The following XRCC3 variants were observed in gnomAD, a reference collection of about 807,000 sequenced individuals.
XRCC3 encodes the protein DNA repair protein XRCC3.
A neutral mutation model predicts 29.2 loss-of-function variants in XRCC3; 34 were observed. The observed-to-expected ratio is 1.16, with a 90% CI of 0.88 to 1.55. The LOEUF is 1.55. Among genes scored for constraint, XRCC3 ranks in the 40% most tolerant of loss-of-function variants. The pLI is 0.00. For synonymous variants in XRCC3, 223 were observed against 211.3 expected (o/e 1.06, Z -0.48); for missense variants, 463 against 467.6 (o/e 0.99, Z 0.09).
rs765078097 is a variant in XRCC3, at chr14:103,698,846, C to T, written c.993G>A (p.Thr331=). The T allele has an allele frequency of 6.2e-6, 10 of 1,607,316 alleles. No homozygotes were observed. The Middle Eastern group carries it at 8.3e-4, about 134-fold the overall frequency. ...TCCCTCGCACCCCTTCGGCACTGAT[C>T]GTGTAGGAACAGGAGGAGGGGGGCA... ...PHLPPSSCSY[T]ISAEGVRGTP... is the part of the protein sequence containing the mutation. The change falls in exon 10 of 10, where the codon ACG becomes ACA. Residue 331 remains threonine (T), a synonymous_variant. Coordinates refer to ENST00000555055, the MANE Select transcript of XRCC3 (RefSeq NM_005432.4).
chr14:103,698,590 C>G lies in XRCC3; in HGVS notation c.*208G>C. 1 of 610,176 alleles carries G rather than the reference C, an allele frequency of 1.6e-6. No individual in the cohort carries two copies. Among genetic ancestry groups the G allele is most frequent in the Non-Finnish European group, 2.9e-6 (1 of 342,874 alleles). The allele number at this position is 610,176 out of a possible 1,614,324, so 37.8% of individuals were successfully genotyped here. A position where few individuals can be genotyped will look rare whatever the true frequency, so the allele number is the denominator to read the frequency against. On this transcript the variant is annotated 3_prime_UTR_variant, in exon 10 of 10. Coordinates refer to ENST00000555055, the MANE Select transcript of XRCC3 (RefSeq NM_005432.4). ...CCAGCAAGCGGGCCTGTCCCCAGAC[C>G]CAGGGAGAGGCAGAACATCCCCCCA... is the stretch of plus-strand genomic sequence containing the variant.
At chr14:103,702,463 G>A (rs2083259296) in intron 7 of XRCC3, 1 of 152,766 alleles carries the variant, frequency 6.5e-6, no homozygotes. Flanking sequence ...TGGTCTCCTG[G>A]GGCAGCTGGT....
intron 5 of XRCC3, chr14:103,708,011 C>A (rs1037966793): frequency 2.3e-5 from 5 of 220,794 alleles, no homozygotes; most frequent in South Asian, 7.1e-5. Context: ...CACTGAGCCA[C>A]CTGCAGGGGA....
rs1297588805 is a variant in XRCC3 at position 103,698,888 on chromosome 14, C to A, written c.951G>T (p.Val317=). ...AGGGGGGCAGGTGGGGGGCAGAGAG[C>A]ACCCGCAGGGTCCGGGCTGGGCAGC... is the stretch of plus-strand genomic sequence containing the variant. ...ALGCPARTLR[V]LSAPHLPPSS... Residue 317 remains valine (V), a synonymous_variant, in exon 10 of 10, where the codon GTG becomes GTT. Transcript: ENST00000555055. The A allele has an allele frequency of 1.2e-6, 2 of 1,604,566 alleles. No individual in the cohort carries two copies. Among genetic ancestry groups the A allele is most frequent in the Non-Finnish European group, 1.7e-6 (2 of 1,176,206 alleles).
chr14:103,713,752 C>G (rs2083710215), intron 1 of XRCC3: 1 of 152,194 alleles, frequency 6.6e-6, no homozygotes, highest in South Asian at 2.1e-4. Flanking sequence ...GGTGACCTGA[C>G]CCCCCTGCAA....
intron 6 of XRCC3, chr14:103,706,070 GAGCAGACCCCAGCTGGGCTCTC>G: frequency 3.1e-6 from 1 of 324,990 alleles, no homozygotes; most frequent in Non-Finnish European, 6.1e-6. Flanking sequence ...CCTGTGGCGT[GAGCAGACCCCAGCTGGGCTCTC>G]AGGAGACCCC....
In XRCC3 at chr14:103,707,230, T is replaced by G. The variant is rs964761422; in HGVS notation, c.194-15A>C. On this transcript the variant is annotated splice_polypyrimidine_tract_variant and intron_variant, in intron 5 of 9. Transcript: ENST00000555055. ...CAGCTGCAGTGCTAAAGGGCAGGGATAGTGTCAGGCCTGACTCTCCTGGGC... is the reference window on the plus strand; with the variant it reads ...CAGCTGCAGTGCTAAAGGGCAGGGAGAGTGTCAGGCCTGACTCTCCTGGGC... 2 of 1,548,202 alleles carry G rather than the reference T, an allele frequency of 1.3e-6. No homozygotes were observed. Among genetic ancestry groups the G allele is most frequent in the Admixed American group, 2.0e-5 (1 of 50,980 alleles).
chr14:103,700,647 A>T, intron 7 of XRCC3: 1 of 1,605,058 alleles, frequency 6.2e-7, no homozygotes, highest in Non-Finnish European at 8.5e-7. Context: ...TCTGTGCTTC[A>T]TCTCCAGGGC....
rs371505686 is a variant in XRCC3 at position 103,700,586 on chromosome 14, C to T, written c.562-1010G>A. On this transcript the variant is annotated intron_variant, in intron 7 of 9. Transcript: ENST00000555055. ...TGCAGCCACACGCTGGTGTCACGCC[C>T]GGAGCTCTGAAGACGCCTGAGGGCC... The T allele has an allele frequency of 3.0e-5, 39 of 1,302,052 alleles. No individual in the cohort carries two copies. The African/African-American group carries it at 4.4e-4, about 15-fold the overall frequency. 80.7% of individuals were successfully genotyped at this position (1,302,052 alleles called of 1,614,324 possible).
At chr14:103,713,883 C>T (rs895895846) in intron 1 of XRCC3, 3 of 152,226 alleles carry the variant, frequency 2.0e-5, no homozygotes, top group African/African-American at 4.8e-5. Flanking sequence ...GACTGCTGGA[C>T]TGCAAAAACA....
At position 103,698,414 on chromosome 14, in the gene XRCC3, C is replaced by T. The variant is rs558573491; in HGVS notation, c.*384G>A. On this transcript the variant is annotated 3_prime_UTR_variant, in exon 10 of 10. Transcript: ENST00000555055. Reference sequence around the variant, plus strand: ...GCTGAGGGGGTCTGAGGCCCCAGCCCAGGGGGCAGGCCTCAGACGCAACCC... The same window carrying T: ...GCTGAGGGGGTCTGAGGCCCCAGCCTAGGGGGCAGGCCTCAGACGCAACCC... The T allele has an allele frequency of 2.9e-5, 9 of 310,940 alleles. No individual in the cohort carries two copies. Among genetic ancestry groups the T allele is most frequent in the South Asian group, 2.3e-4 (8 of 34,434 alleles). The allele number at this position is 310,940 out of a possible 1,614,324, so 19.3% of individuals were successfully genotyped here.
At chr14:103,706,301 G>C in intron 6 of XRCC3, 1 of 455,984 alleles carries the variant, frequency 2.2e-6, no homozygotes, top group Non-Finnish European at 4.4e-6. Context: ...TCCAGGGCCT[G>C]GGGTCCGGCC....
intron 7 of XRCC3, chr14:103,700,061 T>A (rs893747934): frequency 1.3e-5 from 3 of 234,180 alleles, no homozygotes; most frequent in Non-Finnish European, 2.6e-5. Flanking sequence ...CTTCAGACGC[T>A]CAGCAAGGCA....
Position 103,699,196 on chromosome 14 carries a change from C to A in XRCC3, c.775-17G>T. On this transcript the variant is annotated splice_polypyrimidine_tract_variant and intron_variant, in intron 8 of 9. Coordinates refer to ENST00000555055, the MANE Select transcript of XRCC3 (RefSeq NM_005432.4). ...CTCTGTCACCTGGAAGAGCACAGTC[C>A]AGGTCAGCTGCAACGGCTGAGGGTC... The A allele has an allele frequency of 6.4e-7, 1 of 1,556,234 alleles. No homozygotes were observed.
chr14:103,711,257 G>A lies in XRCC3; in HGVS notation c.-158-12C>T, dbSNP rs1273381603. ...TCGGGGCTCTGTCACTGAGGGTGGA[G>A]GAGACTTCACTGTAGAGGGAAGGCT... On this transcript the variant is annotated splice_polypyrimidine_tract_variant and intron_variant, in intron 3 of 9. Transcript: ENST00000555055. The A allele has an allele frequency of 1.4e-6, 1 of 720,832 alleles. No homozygotes were observed. The highest frequency in any genetic ancestry group is 2.5e-6 in the Non-Finnish European group (1 of 402,624). 44.7% of individuals were successfully genotyped at this position (720,832 alleles called of 1,614,324 possible).
chr14:103,712,171 C>T, intron 2 of XRCC3: 1 of 177,762 alleles, frequency 5.6e-6, no homozygotes, highest in South Asian at 1.3e-4. Flanking sequence ...GCGGGCAGGG[C>T]AGGGAAGCTG....
intron 3 of XRCC3, 102 bp downstream of exon 3, chr14:103,711,364 T>C (rs746619890): frequency 1.6e-6 from 1 of 641,248 alleles, no homozygotes; most frequent in Non-Finnish European, 2.9e-6. Context: ...CAGACACTGA[T>C]GCATTTGAAA....
intron 7 of XRCC3, chr14:103,699,878 G>A (rs1171256579): frequency 4.5e-6 from 2 of 444,068 alleles, no homozygotes; most frequent in Non-Finnish European, 8.4e-6. Flanking sequence ...TGTCCTTTGC[G>A]CAGGCTCCTG....
In XRCC3 at chr14:103,706,991, G is replaced by T. The variant is rs768078396; in HGVS notation, c.406+12C>A. 1.1e-5 allele frequency: 17 copies of T among 1,546,600 alleles called. 1 individual carries two copies. The South Asian group carries it at 1.5e-4, about 14-fold the overall frequency. On this transcript the variant is annotated intron_variant, in intron 6 of 9. Transcript: ENST00000555055. The stretch of plus-strand genomic sequence containing the variant: ...CACCTGCCCAGACCCCACGGAAGGG[G>T]TGGCCACTCACCAGCCTCCAGGCCT...
Sources: allele counts gnomAD v4.1 joint callset, GRCh38; gene constraint gnomAD v4.1.1; transcripts MANE v1.5; gene names NCBI Gene and HGNC (gene_info 2026-07-23, HGNC 2026-07-21).